ATG16L2: variants seen among roughly 807,000 people sequenced by gnomAD.
ATG16L2 encodes the protein protein Atg16l2.
A neutral mutation model predicts 84.7 loss-of-function variants in ATG16L2; 77 were observed. The observed-to-expected ratio is 0.91, with a 90% CI of 0.76 to 1.10. The LOEUF is 1.10. Among genes scored for constraint, ATG16L2 ranks in the 50% least tolerant of loss-of-function variants. ATG16L2 has a pLI of 0.00. For missense variants in ATG16L2, 782 were observed against 817.6 expected (o/e 0.96, Z 0.53); for synonymous variants, 361 against 342.8 (o/e 1.05, Z -0.59).
intron 5 of ATG16L2, among the ~76,000 whole-genome samples, chr11:72,842,422 T>C (rs1394470073): frequency 6.6e-6 from 1 of 152,176 alleles, no homozygotes; most frequent in African/African-American, 2.4e-5. Flanking sequence ...AAGATGGAGG[T>C]GTGGGAGGAT....
intron 5 of ATG16L2, among the ~76,000 whole-genome samples, chr11:72,840,403 G>A (rs766704443): frequency 3.9e-4 from 60 of 152,228 alleles, no homozygotes; most frequent in South Asian, 2.1e-4. Context: ...ACAGTGGTGG[G>A]TGGAATGCAG....
chr11:72,841,453 CCGT>C, intron 5 of ATG16L2: 1 of 1,610,000 alleles, frequency 6.2e-7, no homozygotes, highest in Non-Finnish European at 8.5e-7. Context: ...AGAACCCTTA[CCGT>C]TTGCTGAAGG....
intron 13 of ATG16L2, 68 bp from the exon 14 acceptor site, chr11:72,827,120 A>G: frequency 3.2e-6 from 4 of 1,269,210 alleles, no homozygotes; most frequent in African/African-American, 1.5e-5. Context: ...CAGCTTCTCC[A>G]TATGTCCTGT....
rs1369122464 is a variant in ATG16L2, at chr11:72,821,673, C to A, written c.324C>A (p.Ala108=). 6.5e-7 allele frequency: 1 copy of A among 1,536,258 alleles called. No homozygotes were observed. The highest frequency in any genetic ancestry group is 8.7e-7 in the Non-Finnish European group (1 of 1,145,776). Residue 108 remains alanine (A), a synonymous_variant, in exon 4 of 18, where the codon GCC becomes GCA. Transcript: ENST00000321297. ...GCCCACCTGTCCGCCCCCAGATGGC[C>A]TACCAGGTGGTGGAGAAGGGCGCGG... ...EGLRLVCGEM[A]YQVVEKGAAL...
At chr11:72,826,868 A>G in intron 13 of ATG16L2, 45 bp downstream of exon 13, 1 of 1,602,274 alleles carries the variant, frequency 6.2e-7, no homozygotes, top group Non-Finnish European at 8.5e-7. Context: ...ACCAGCCAGG[A>G]GCCCCAGGCC....
At chr11:72,817,963 A>T in intron 3 of ATG16L2, 108 bp downstream of exon 3, 1 of 1,019,254 alleles carries the variant, frequency 9.8e-7, no homozygotes, top group Non-Finnish European at 1.4e-6. Flanking sequence ...CAGTGCTGCA[A>T]GCATTGAGTG....
intron 7 of ATG16L2, chr11:72,823,663 C>T (rs1046092748): frequency 7.2e-5 from 33 of 455,954 alleles, no homozygotes; most frequent in Non-Finnish European, 1.3e-4. Flanking sequence ...CATTGTAGGA[C>T]ACACCCTCTC....
At chr11:72,821,932 C>T (rs906719465) in intron 4 of ATG16L2, 112 bp from the exon 5 acceptor site, 13 of 1,424,400 alleles carry the variant, frequency 9.1e-6, no homozygotes, top group South Asian at 7.4e-5. Context: ...GGCTTAGCCA[C>T]CCGGCTAGCC....
intron 5 of ATG16L2, among the ~76,000 whole-genome samples, chr11:72,835,152 G>A (rs528300416): frequency 6.6e-6 from 1 of 152,352 alleles, no homozygotes; most frequent in South Asian, 2.1e-4. Context: ...GCTGAGCTTT[G>A]CCCTTGGTCA....
At chr11:72,843,738 C>G (rs113188552), downstream of ATG16L2, 890 of 553,550 alleles carry the variant, frequency 1.6e-3, 4 homozygotes, top group African/African-American at 0.014. Context: ...AACAAAAACT[C>G]AAGAAACTGA....
chr11:72,817,441 G>C (rs577011578), intron 2 of ATG16L2, among the ~76,000 whole-genome samples: 39 of 152,246 alleles, frequency 2.6e-4, no homozygotes, highest in African/African-American at 9.4e-4. Context: ...GGATGGTCTC[G>C]ATCTCTTGAT....
chr11:72,823,723 A>AT (rs1173014365), intron 7 of ATG16L2: 10 of 484,150 alleles, frequency 2.1e-5, no homozygotes, highest in Non-Finnish European at 4.1e-5. Context: ...CCCTCCTCCC[A>AT]TCCCCAGCCT....
chr11:72,816,607 A>C (rs1056738365), intron 1 of ATG16L2, 121 bp from the exon 2 acceptor site: 1 of 766,548 alleles, frequency 1.3e-6, no homozygotes, highest in African/African-American at 1.7e-5. Context: ...AGCCTGCCAG[A>C]AGCTTCCCCA....
chr11:72,821,460 G>C, intron 3 of ATG16L2: 9 of 1,392,618 alleles, frequency 6.5e-6, no homozygotes, highest in Non-Finnish European at 7.5e-6. Context: ...TTGGGACCCA[G>C]GGCTGACTCC....
At position 72,829,563 on chromosome 11, in the gene ATG16L2, G is replaced by T; in HGVS notation, c.*173G>T. 2 of 1,372,902 alleles carry T rather than the reference G, an allele frequency of 1.5e-6. No individual in the cohort carries two copies. Among genetic ancestry groups the T allele is most frequent in the South Asian group, 3.5e-5 (2 of 57,760 alleles). 85.0% of individuals were successfully genotyped at this position (1,372,902 alleles called of 1,614,324 possible). A position where few individuals can be genotyped will look rare whatever the true frequency, so the allele number is the denominator to read the frequency against. On this transcript the variant is annotated 3_prime_UTR_variant, in exon 18 of 18. Transcript: ENST00000321297. ...AATGAAGTATGGGTTGGGGGATTACGCTAGTTTTTCTTTGTATTTTTATCT... is the reference window on the plus strand; with the variant it reads ...AATGAAGTATGGGTTGGGGGATTACTCTAGTTTTTCTTTGTATTTTTATCT...
At chr11:72,828,273 A>T in intron 14 of ATG16L2, 86 bp from the exon 15 acceptor site, 1 of 1,515,190 alleles carries the variant, frequency 6.6e-7, no homozygotes, top group Non-Finnish European at 9.0e-7. Context: ...TTGGTTAGCT[A>T]GGAAGGCTGC....
rs182262565 is a variant in ATG16L2, at chr11:72,828,521, T to C, written c.1622+13T>C. 1.9e-6 allele frequency: 3 copies of C among 1,614,188 alleles called. No individual in the cohort carries two copies. The highest frequency in any genetic ancestry group is 2.2e-5 in the East Asian group (1 of 44,894). ...GCCAGGTGTTCAGGTACCAGCCTCA[T>C]GCCTGCTGACCCTGTGGCCTTTGCT... is the stretch of plus-strand genomic sequence containing the variant. On this transcript the variant is annotated intron_variant, in intron 15 of 17. Transcript: ENST00000321297.
exon 6 of ATG16L2, chr11:72,843,480 A>G (rs1861029457): frequency 6.2e-7 from 1 of 1,613,872 alleles, no homozygotes; most frequent in Non-Finnish European, 8.5e-7. Context: ...TCCATCTTCA[A>G]TCACTTCTAA....
chr11:72,833,297 A>G (rs1428058887), downstream of ATG16L2, among the ~76,000 whole-genome samples: 2 of 152,238 alleles, frequency 1.3e-5, no homozygotes, highest in Admixed American at 6.5e-5. Context: ...ATGCCTGGAT[A>G]CAGGCTCTTC....
Sources: gnomAD v4.1 joint callset for allele counts (sites outside exome capture counted in the v4.1 genomes callset) on GRCh38, gnomAD v4.1.1 for gene constraint, MANE v1.5 for transcripts, NCBI Gene and HGNC (gene_info 2026-07-23, HGNC 2026-07-21) for gene names.